The following DGKG variants were observed in gnomAD, a reference collection of about 807,000 sequenced individuals.
DGKG encodes diacylglycerol kinase gamma.
Under a neutral mutation model 105.3 loss-of-function variants are expected in DGKG, and 78 were observed. The observed-to-expected ratio is 0.74, with a 90% confidence interval of 0.62 to 0.89. DGKG has a LOEUF of 0.89. DGKG is among the 40% of genes least tolerant of loss of function. The pLI is 0.00. For missense variants in DGKG, 958 were observed against 1,020.1 expected, an observed-to-expected ratio of 0.94 and a Z score of 0.83; for synonymous variants, 346 against 367.1, an observed-to-expected ratio of 0.94 and a Z score of 0.66.
intron 6 of DGKG, among the ~76,000 whole-genome samples, chr3:186,287,035 AAAAT>A (rs56077495): frequency 4.1e-4 from 58 of 142,570 alleles, no homozygotes; most frequent in South Asian, 1.4e-3. Flanking sequence ...ACTCCATCTC[AAAAT>A]AAATAAATAA....
At chr3:186,270,752 C>T (rs73885825) in intron 11 of DGKG, among the ~76,000 whole-genome samples, 1,560 of 152,338 alleles carry the variant, frequency 0.01, 37 homozygotes, top group African/African-American at 0.035. Flanking sequence ...TCTTCTGACC[C>T]CAAGTCCAGG....
rs192768740 is a variant in DGKG at position 186,226,852 on chromosome 3, G to A, written c.1827-14967C>T. On this transcript the variant is annotated intron_variant, in intron 20 of 24. Coordinates refer to ENST00000265022, the MANE Select transcript of DGKG (RefSeq NM_001346.3). The surrounding 1 kb of genome is among the most constrained non-coding windows in gnomAD (Gnocchi z 4.2). ...ATAAACATGAATATTCAGCAATTAC[G>A]TAATTCCCTGCTGTGTTAGTAATTT... Among the ~76,000 whole-genome samples the A allele has an allele frequency of 2.6e-5, 4 of 152,286 alleles. No homozygotes were observed. Among genetic ancestry groups the A allele is most frequent in the African/African-American group, 4.8e-5 (2 of 41,548 alleles).
At chr3:186,174,787 A>G (rs931279077) in intron 22 of DGKG, among the ~76,000 whole-genome samples, 2 of 151,732 alleles carry the variant, frequency 1.3e-5, no homozygotes, top group African/African-American at 4.8e-5. Context: ...TCTTTAAGGC[A>G]TGGGTTGGAT....
chr3:186,197,511 C>T (rs146827327), intron 21 of DGKG, among the ~76,000 whole-genome samples: 1 of 152,252 alleles, frequency 6.6e-6, no homozygotes, highest in East Asian at 1.9e-4. Flanking sequence ...GTGCAGCCCC[C>T]GGGGCCTGTG....
chr3:186,230,787 T>G (rs1048501011), intron 20 of DGKG, among the ~76,000 whole-genome samples: 8 of 152,118 alleles, frequency 5.3e-5, no homozygotes, highest in Non-Finnish European at 7.4e-5. Context: ...TAAATAAAAT[T>G]GTGCAATTAA....
chr3:186,349,821 G>A (rs372852407), intron 1 of DGKG, among the ~76,000 whole-genome samples: 18 of 151,738 alleles, frequency 1.2e-4, no homozygotes, highest in African/African-American at 2.2e-4. Flanking sequence ...ACTTTTAAGC[G>A]TACAGTTCAG....
intron 1 of DGKG, among the ~76,000 whole-genome samples, chr3:186,328,031 C>A (rs1725431799): frequency 6.6e-6 from 1 of 152,184 alleles, no homozygotes; most frequent in South Asian, 2.1e-4. Flanking sequence ...TCTGTCTACT[C>A]TTAGCACTAG....
At chr3:186,258,807 T>A (rs1721604745) in intron 16 of DGKG, among the ~76,000 whole-genome samples, 1 of 152,208 alleles carries the variant, frequency 6.6e-6, no homozygotes, top group African/African-American at 2.4e-5. Context: ...TGTTTTTTGA[T>A]ATGGTTTCCC....
In DGKG at chr3:186,264,048, G is replaced by A. The variant is rs1003239819; in HGVS notation, c.1269+1199C>T. On this transcript the variant is annotated intron_variant, in intron 14 of 24. Transcript: ENST00000265022. ...CTCACCTCTGGAGATGATATTCAACGTATTTAACAGCCAGTCCTACAGTGG... is the reference window on the plus strand; with the variant it reads ...CTCACCTCTGGAGATGATATTCAACATATTTAACAGCCAGTCCTACAGTGG... 2.6e-5 allele frequency among the ~76,000 whole-genome samples: 4 copies of A among 152,224 alleles called. No homozygotes were observed. The East Asian group carries it at 5.8e-4, about 22-fold the overall frequency.
rs182973343 is a variant in DGKG at position 186,249,623 on chromosome 3, T to C, written c.1761+2136A>G. ...TTGGGAGGCTGAGGCAGGTGGATCG[T>C]TTGAGGTCAGGAGTTTGAGACCAGC... On this transcript the variant is annotated intron_variant, in intron 19 of 24. Coordinates refer to ENST00000265022, the MANE Select transcript of DGKG (RefSeq NM_001346.3). Among the ~76,000 whole-genome samples the C allele has an allele frequency of 3.2e-4, 49 of 152,246 alleles. No individual in the cohort carries two copies. In the East Asian group the frequency reaches 8.1e-3, roughly 25 times the overall value.
chr3:186,306,180 A>G (rs1236220242), intron 3 of DGKG, among the ~76,000 whole-genome samples: 1 of 152,208 alleles, frequency 6.6e-6, no homozygotes, highest in East Asian at 1.9e-4. Context: ...AAGTAGGAAA[A>G]AGAGAATTTG....
rs1393453463 is a variant in DGKG, at chr3:186,284,690, A to G, written c.564T>C (p.Asp188=). The G allele has an allele frequency of 6.2e-7, 1 of 1,613,908 alleles. No homozygotes were observed. Residue 188 remains aspartate (D), a synonymous_variant, in exon 7 of 25, where the codon GAT becomes GAC. Transcript: ENST00000265022. The surrounding 1 kb of genome is among the most constrained non-coding windows in gnomAD (Gnocchi z 4.0). The part of the protein sequence containing the change: ...DKLEFMFRLY[D]SDENGLLDQA... The stretch of plus-strand genomic sequence containing the variant: ...GGTCCAGGAGACCGTTCTCATCTGA[A>G]TCATAGAGGCGAAACATGACTGTAA...
chr3:186,200,899 A>G (rs933489604), intron 21 of DGKG, among the ~76,000 whole-genome samples: 3 of 152,200 alleles, frequency 2.0e-5, no homozygotes, highest in Admixed American at 6.5e-5. Flanking sequence ...TTGCTGTGCC[A>G]GGCGGGCACA....
Position 186,275,637 on chromosome 3 carries a change from A to G in DGKG, c.820T>C (p.Trp274Arg), listed in dbSNP as rs1166990388. The change falls in exon 10 of 25, where the codon TGG (tryptophan) becomes CGG (arginine). Residue 274 changes from tryptophan (W) to arginine (R), a missense_variant. This residue lies in a region of DGKG where 643 missense variants were observed against 619.5 expected (regional missense o/e 1.04). Coordinates refer to ENST00000265022, the MANE Select transcript of DGKG (RefSeq NM_001346.3). ...GGTTTCTTGAAGTGCTTCATGGTCCAGGCGTGCCGCCCATCCCCCTTGGAG... is the reference window on the plus strand; with the variant it reads ...GGTTTCTTGAAGTGCTTCATGGTCCGGGCGTGCCGCCCATCCCCCTTGGAG... The part of the protein sequence containing the change: ...SGSKGDGRHA[W>R]TMKHFKKPTY... 20 of 1,613,974 alleles carry G rather than the reference A, an allele frequency of 1.2e-5. No individual in the cohort carries two copies. The highest frequency in any genetic ancestry group is 1.4e-5 in the Non-Finnish European group (17 of 1,180,046).
rs983727282 is a variant in DGKG at position 186,164,800 on chromosome 3, T to C, written c.2216+98A>G. The C allele has an allele frequency of 5.0e-6, 7 of 1,398,474 alleles. No individual in the cohort carries two copies. In the African/African-American group the frequency reaches 1.0e-4, roughly 20 times the overall value. The allele number at this position is 1,398,474 out of a possible 1,614,324, so 86.6% of individuals were successfully genotyped here. ...ATTATCAAGCTTTTGTGCTGCACTC[T>C]CCCTGCCCTAAAATCCAAAGATGGC... On this transcript the variant is annotated intron_variant, in intron 23 of 24. Transcript: ENST00000265022.
intron 21 of DGKG, among the ~76,000 whole-genome samples, chr3:186,195,676 T>A (rs1055600996): frequency 3.3e-5 from 5 of 152,204 alleles, no homozygotes; most frequent in African/African-American, 1.2e-4. Context: ...ATGCTGATGT[T>A]GCAGGTCCGT....
chr3:186,333,494 A>G (rs11922064), intron 1 of DGKG, among the ~76,000 whole-genome samples: 1,901 of 152,320 alleles, frequency 0.012, 38 homozygotes, highest in African/African-American at 0.044. Context: ...TCATCATGCC[A>G]CACTCCTAAA....
intron 1 of DGKG, among the ~76,000 whole-genome samples, chr3:186,359,088 C>T (rs77482549): frequency 0.017 from 2,514 of 152,204 alleles, 24 homozygotes; most frequent in African/African-American, 0.027. Context: ...CTGAAGAATG[C>T]TCGTGTGATG....
intron 22 of DGKG, among the ~76,000 whole-genome samples, chr3:186,184,773 C>T (rs1191655589): frequency 6.6e-6 from 1 of 152,140 alleles, no homozygotes; most frequent in Non-Finnish European, 1.5e-5. Flanking sequence ...TCATTCCCTC[C>T]TACTGTGTCC....
Sources: allele counts gnomAD v4.1 joint callset (sites outside exome capture counted in the v4.1 genomes callset), GRCh38; gene constraint gnomAD v4.1.1; regional missense constraint gnomAD v4.1.1; non-coding constraint Gnocchi (gnomAD v3.1); transcripts MANE v1.5; gene names NCBI Gene and HGNC (gene_info 2026-07-23, HGNC 2026-07-21).